Variants in BCKDK observed in about 807,000 individuals in gnomAD.
The protein encoded by BCKDK is branched chain keto acid dehydrogenase kinase, also known as branched-chain alpha-ketoacid dehydrogenase kinase.
A neutral mutation model predicts 43.9 loss-of-function variants in BCKDK; 28 were observed. The ratio of observed to expected loss-of-function variants is 0.64; its 90% CI spans 0.47 to 0.87. BCKDK has a LOEUF of 0.87. Among genes scored for constraint, BCKDK ranks in the 40% least tolerant of loss-of-function variants. BCKDK has a pLI of 0.00. For synonymous variants in BCKDK, 257 were observed against 234.3 expected (o/e 1.10, Z -0.88); for missense variants, 483 against 581.4 (o/e 0.83, Z 1.74).
chr16:31,109,412 G>A lies in BCKDK; in HGVS notation c.189G>A (p.Ala63=), dbSNP rs374901112. The change falls in exon 2 of 12, where the codon GCG becomes GCA. Residue 63 remains alanine, a synonymous_variant. Transcript: ENST00000219794. The surrounding 1 kb of genome is among the most constrained non-coding windows in gnomAD (Gnocchi z 5.3). ...ACCAGTCGGCCATCGACGCGGCAGC[G>A]GAGAAGGTGCGCAAGGGGGCAGCCA... is the stretch of plus-strand genomic sequence containing the variant. The part of the protein sequence containing the change: ...FYNQSAIDAA[A]EKPSVRLTPT... 5 of 1,609,556 alleles carry A rather than the reference G, an allele frequency of 3.1e-6. No individual in the cohort carries two copies. The highest frequency in any genetic ancestry group is 4.2e-6 in the Non-Finnish European group (5 of 1,177,184).
Position 31,109,753 on chromosome 16 carries a change from C to T in BCKDK, c.345C>T (p.Ile115=). 1 of 1,613,878 alleles carries T rather than the reference C, an allele frequency of 6.2e-7. No individual in the cohort carries two copies. Among genetic ancestry groups the T allele is most frequent in the South Asian group, 1.1e-5 (1 of 91,086 alleles). Residue 115 remains isoleucine (I), a synonymous_variant, in exon 4 of 12, where the codon ATC becomes ATT. Coordinates refer to ENST00000219794, the MANE Select transcript of BCKDK (RefSeq NM_005881.4). The surrounding 1 kb of genome is among the most constrained non-coding windows in gnomAD (Gnocchi z 5.3). ...RIKGFRCLPF[I]IGCNPTILHV... The stretch of plus-strand genomic sequence containing the variant: ...AGGGCTTCCGCTGCCTTCCTTTCAT[C>T]ATTGGCTGCAACCCCACCATACTGC...
At position 31,108,565 on chromosome 16, in the gene BCKDK, C is replaced by T. The variant is rs1190906992; in HGVS notation, c.-178+86C>T. 1.3e-5 allele frequency: 2 copies of T among 152,308 alleles called. No individual in the cohort carries two copies. The highest frequency in any genetic ancestry group is 2.9e-5 in the Non-Finnish European group (2 of 68,114). The allele number at this position is 152,308 out of a possible 1,614,324, so 9.4% of individuals were successfully genotyped here. On this transcript the variant is annotated intron_variant, in intron 1 of 11. Transcript: ENST00000219794. This position sits in a 1 kb window ranked among gnomAD's most constrained non-coding sequence, Gnocchi z 6.2. Reference sequence around the variant, plus strand: ...CTCCATCACAGCGCGGGCGCGCAGACGGGGCTGGCATCTACCATATGGGGG... The same window carrying T: ...CTCCATCACAGCGCGGGCGCGCAGATGGGGCTGGCATCTACCATATGGGGG...
downstream of BCKDK, among the ~76,000 whole-genome samples, chr16:31,115,492 G>C (rs2057440168): frequency 6.6e-6 from 1 of 152,036 alleles, no homozygotes; most frequent in Admixed American, 6.6e-5. Flanking sequence ...CAAAGTGGTG[G>C]GATTACAGGA....
At position 31,110,834 on chromosome 16, in the gene BCKDK, G is replaced by A. The variant is rs2057405795; in HGVS notation, c.716+73G>A. 1 of 1,529,392 alleles carries A rather than the reference G, an allele frequency of 6.5e-7. No homozygotes were observed. Among genetic ancestry groups the A allele is most frequent in the Admixed American group, 1.7e-5 (1 of 59,526 alleles). 94.7% of individuals were successfully genotyped at this position (1,529,392 alleles called of 1,614,324 possible). ...AGGCTTGGGTCTGAGCCCTTGCCCG[G>A]GGCATGATCTGCGGGGAGCAGGGTT... is the stretch of plus-strand genomic sequence containing the variant. On this transcript the variant is annotated intron_variant, in intron 8 of 11. Coordinates refer to ENST00000219794, the MANE Select transcript of BCKDK (RefSeq NM_005881.4). This position sits in a 1 kb window ranked among gnomAD's most constrained non-coding sequence, Gnocchi z 5.4.
downstream of BCKDK, among the ~76,000 whole-genome samples, chr16:31,113,545 G>A (rs1442541013): frequency 2.0e-5 from 3 of 152,178 alleles, no homozygotes; most frequent in Admixed American, 6.5e-5. Flanking sequence ...GGTGGCTGCA[G>A]AGTTCACTGC....
downstream of BCKDK, among the ~76,000 whole-genome samples, chr16:31,113,584 C>A (rs2057429505): frequency 1.3e-5 from 2 of 152,164 alleles, no homozygotes; most frequent in South Asian, 4.1e-4. Context: ...TCAAGAGATT[C>A]TCCCACCTCA....
downstream of BCKDK, among the ~76,000 whole-genome samples, chr16:31,114,994 G>A (rs1011878186): frequency 1.3e-5 from 2 of 151,522 alleles, no homozygotes; most frequent in African/African-American, 4.9e-5. Context: ...GCGCGATCTC[G>A]GCTCACTGCA....
rs147210405 is a variant in BCKDK at position 31,110,716 on chromosome 16, G to A, written c.671G>A (p.Arg224His). ...GACTTTGTCGGCATCATCTGTACTC[G>A]TCTCTCACCAAAGAAGATTATTGAG... ...KPDFVGIICT[R>H]LSPKKIIEKW... The change falls in exon 8 of 12, where the codon CGT becomes CAT. Residue 224 changes from arginine to histidine, a missense_variant. By Grantham distance (29) the Arg-to-His change is conservative. Coordinates refer to ENST00000219794, the MANE Select transcript of BCKDK (RefSeq NM_005881.4). This position sits in a 1 kb window ranked among gnomAD's most constrained non-coding sequence, Gnocchi z 5.4. 4.3e-6 allele frequency: 7 copies of A among 1,613,998 alleles called. No homozygotes were observed. Among genetic ancestry groups the A allele is most frequent in the African/African-American group, 1.3e-5 (1 of 74,890 alleles).
downstream of BCKDK, among the ~76,000 whole-genome samples, chr16:31,113,025 G>A (rs931809288): frequency 5.3e-5 from 8 of 152,236 alleles, no homozygotes; most frequent in African/African-American, 1.9e-4. Flanking sequence ...AGCAGGGACT[G>A]GGTGCCCCAC....
Position 31,109,319 on chromosome 16 carries a change from G to C in BCKDK, c.96G>C (p.Thr32=). 1 of 1,608,622 alleles carries C rather than the reference G, an allele frequency of 6.2e-7. No individual in the cohort carries two copies. Among genetic ancestry groups the C allele is most frequent in the Non-Finnish European group, 8.5e-7 (1 of 1,177,494 alleles). Residue 32 remains threonine, a synonymous_variant, in exon 2 of 12, where the codon ACG becomes ACC. Coordinates refer to ENST00000219794, the MANE Select transcript of BCKDK (RefSeq NM_005881.4). The surrounding 1 kb of genome is among the most constrained non-coding windows in gnomAD (Gnocchi z 5.3). ...GPALALRARS[T]SATDTHHVEM... ...CACTCGCGCTCCGGGCCCGCTCGAC[G>C]TCGGCCACCGACACACACCACGTGG...
chr16:31,109,288 G>A lies in BCKDK; in HGVS notation c.65G>A (p.Gly22Glu). 1 of 1,602,536 alleles carries A rather than the reference G, an allele frequency of 6.2e-7. No homozygotes were observed. Among genetic ancestry groups the A allele is most frequent in the Non-Finnish European group, 8.5e-7 (1 of 1,174,574 alleles). Reference sequence around the variant, plus strand: ...GGGCTTCCGCTCCGGCCCCTCCTGGGACCCGCACTCGCGCTCCGGGCCCGC... The same window carrying A: ...GGGCTTCCGCTCCGGCCCCTCCTGGAACCCGCACTCGCGCTCCGGGCCCGC... ...GGGLPLRPLL[G>E]PALALRARST... The change falls in exon 2 of 12, where the codon GGA becomes GAA. Residue 22 changes from glycine (G) to glutamate (E), a missense_variant. By Grantham distance (98) the Gly-to-Glu change is moderately conservative (BLOSUM62 -2). Transcript: ENST00000219794. This position sits in a 1 kb window ranked among gnomAD's most constrained non-coding sequence, Gnocchi z 5.3.
intron 9 of BCKDK, 30 bp downstream of exon 9, chr16:31,111,249 G>A: frequency 6.2e-7 from 1 of 1,614,150 alleles, no homozygotes; most frequent in Non-Finnish European, 8.5e-7. Flanking sequence ...TGGCTTGGGG[G>A]CGGACAGGAA....
chr16:31,109,793 A>C lies in BCKDK; in HGVS notation c.375+10A>C. On this transcript the variant is annotated intron_variant, in intron 4 of 11. Coordinates refer to ENST00000219794, the MANE Select transcript of BCKDK (RefSeq NM_005881.4). This position sits in a 1 kb window ranked among gnomAD's most constrained non-coding sequence, Gnocchi z 5.3. ...CACCATACTGCACGTGGTAAGGTAG[A>C]GAGGACCTTAGGTCAGCGGGCCACC... The C allele has an allele frequency of 1.2e-6, 2 of 1,612,426 alleles. No homozygotes were observed. The highest frequency in any genetic ancestry group is 2.2e-5 in the South Asian group (2 of 91,064).
Position 31,109,842 on chromosome 16 carries a change from T to A in BCKDK, c.375+59T>A, listed in dbSNP as rs2057395819. ...CCCTGCCCCGGGGGCAAGTGGGGAG[T>A]CTGGGGCCCAGAGTGGCAGACGATT... On this transcript the variant is annotated intron_variant, in intron 4 of 11. Transcript: ENST00000219794. The surrounding 1 kb of genome is among the most constrained non-coding windows in gnomAD (Gnocchi z 5.3). 1.0e-5 allele frequency: 16 copies of A among 1,558,830 alleles called. No individual in the cohort carries two copies. Among genetic ancestry groups the A allele is most frequent in the African/African-American group, 1.4e-5 (1 of 73,750 alleles).
chr16:31,110,607 C>A lies in BCKDK; in HGVS notation c.643-81C>A. The A allele has an allele frequency of 2.5e-6, 4 of 1,588,782 alleles. No homozygotes were observed. Among genetic ancestry groups the A allele is most frequent in the Non-Finnish European group, 3.5e-6 (4 of 1,157,528 alleles). On this transcript the variant is annotated intron_variant, in intron 7 of 11. Transcript: ENST00000219794. The surrounding 1 kb of genome is among the most constrained non-coding windows in gnomAD (Gnocchi z 5.4). ...GGGGGCTGAGGCTGTGGGGCTGGTG[C>A]TTTGGGGCAGTTCCGAAGTTGCCAG...
chr16:31,112,802 C>T (rs375349533), downstream of BCKDK: 10 of 210,114 alleles, frequency 4.8e-5, no homozygotes, highest in South Asian at 1.3e-4. The surrounding 1 kb of genome is among the most constrained non-coding windows in gnomAD (Gnocchi z 5.0). Context: ...CAAATGTTTC[C>T]GGGTCCCAGA....
At chr16:31,117,170 G>A (rs1345530081), downstream of BCKDK, among the ~76,000 whole-genome samples, 3 of 151,832 alleles carry the variant, frequency 2.0e-5, no homozygotes, top group South Asian at 2.1e-4. Context: ...AAGAGATCAA[G>A]ACTATCCTGG....
In BCKDK at chr16:31,110,516, T is replaced by C; in HGVS notation, c.642+17T>C. The C allele has an allele frequency of 6.2e-7, 1 of 1,611,432 alleles. No homozygotes were observed. The highest frequency in any genetic ancestry group is 8.5e-7 in the Non-Finnish European group (1 of 1,177,968). On this transcript the variant is annotated intron_variant, in intron 7 of 11. Coordinates refer to ENST00000219794, the MANE Select transcript of BCKDK (RefSeq NM_005881.4). The surrounding 1 kb of genome is among the most constrained non-coding windows in gnomAD (Gnocchi z 5.4). ...GAGGACAAGGTGGGGCTCTGGGACC[T>C]GAGACCCACCTGGGAACATTAAGTG...
In BCKDK at chr16:31,111,963, C is replaced by G; in HGVS notation, c.1030C>G (p.Arg344Gly). 2 of 1,614,122 alleles carry G rather than the reference C, an allele frequency of 1.2e-6. No homozygotes were observed. Among genetic ancestry groups the G allele is most frequent in the Non-Finnish European group, 1.7e-6 (2 of 1,180,016 alleles). The change falls in exon 11 of 12, where the codon CGG becomes GGG. Residue 344 changes from arginine to glycine, a missense_variant. Transcript: ENST00000219794. The part of the protein sequence containing the change: ...TTAEASTQDP[R>G]ISPLFGHLDM... ...TGCTGAGGCCAGCACACAGGACCCC[C>G]GGATCAGCCCCCTCTTTGGCCATCT...
Sources: allele counts gnomAD v4.1 joint callset (sites outside exome capture counted in the v4.1 genomes callset), GRCh38; gene constraint gnomAD v4.1.1; non-coding constraint Gnocchi (gnomAD v3.1); transcripts MANE v1.5; gene names NCBI Gene and HGNC (gene_info 2026-07-23, HGNC 2026-07-21).